PRMT8: variants seen among roughly 807,000 people sequenced by gnomAD.
PRMT8 encodes protein arginine methyltransferase 8, also known as protein arginine N-methyltransferase 8.
Under a neutral mutation model 47.1 loss-of-function variants are expected in PRMT8, and 7 were observed. The ratio of observed to expected loss-of-function variants is 0.15; its 90% CI spans 0.08 to 0.28. The LOEUF is 0.28. Ranked by LOEUF, PRMT8 falls within the 10% of genes least tolerant of loss-of-function variation. The pLI, the probability that PRMT8 is intolerant of heterozygous loss-of-function variation, is 1.00. For synonymous variants in PRMT8, 188 were observed against 186.5 expected, an observed-to-expected ratio of 1.01 and a Z score of -0.07; for missense variants, 237 against 505.4, an observed-to-expected ratio of 0.47 and a Z score of 5.09.
upstream of PRMT8, among the ~76,000 whole-genome samples, chr12:3,490,487 G>C (rs1300540742): frequency 1.6e-4 from 23 of 146,374 alleles, no homozygotes; most frequent in Non-Finnish European, 1.5e-5. Flanking sequence ...GATGGTGGGG[G>C]AAGGGTGAGG....
At chr12:3,584,327 A>G (rs1867126979) in intron 8 of PRMT8, among the ~76,000 whole-genome samples, 1 of 152,158 alleles carries the variant, frequency 6.6e-6, no homozygotes, top group Non-Finnish European at 1.5e-5. Flanking sequence ...CTTTTCCCAA[A>G]TACAGTCACA....
intron 1 of PRMT8, among the ~76,000 whole-genome samples, chr12:3,513,062 G>A (rs938508901): frequency 2.6e-5 from 4 of 152,156 alleles, no homozygotes; most frequent in African/African-American, 9.7e-5. Flanking sequence ...CTGCAACACC[G>A]GGGATCAAAG....
chr12:3,464,597 G>T (rs966777991), intron 1 of PRMT8, among the ~76,000 whole-genome samples: 1 of 152,000 alleles, frequency 6.6e-6, no homozygotes, highest in Non-Finnish European at 1.5e-5. Context: ...GCTAGATGGG[G>T]TTAACAAAAA....
chr12:3,540,613 G>GGCCCCCCCGCCC lies in PRMT8; in HGVS notation c.83_84insGCCCCCCCGCCC (p.Ser28delinsArgProProArgPro). The GGCCCCCCCGCCC allele has an allele frequency of 9.7e-6, 11 of 1,130,518 alleles. No individual in the cohort carries two copies. The highest frequency in any genetic ancestry group is 1.3e-5 in the South Asian group (1 of 78,808). The allele number at this position is 1,130,518 out of a possible 1,614,324, so 70.0% of individuals were successfully genotyped here. A position where few individuals can be genotyped will look rare whatever the true frequency, so the allele number is the denominator to read the frequency against. ...CCCTTCTCTTCCCCTCAGGTGAACA[G>GGCCCCCCCGCCC]CCCCCCCTCCCAGCCCCCCCAGCCC... is the stretch of plus-strand genomic sequence containing the variant. On this transcript the variant is annotated protein_altering_variant, in exon 2 of 10. Transcript: ENST00000382622.
At chr12:3,450,490 C>T (rs960688680) in intron 1 of PRMT8, among the ~76,000 whole-genome samples, 9 of 152,192 alleles carry the variant, frequency 5.9e-5, no homozygotes, top group African/African-American at 2.2e-4. Context: ...ATTCCAATTT[C>T]CTCTTGAAAG....
chr12:3,568,348 A>T (rs1307930067), intron 4 of PRMT8, among the ~76,000 whole-genome samples: 1 of 51,910 alleles, frequency 1.9e-5, no homozygotes, highest in East Asian at 7.9e-4. Flanking sequence ...TGGTGTAAAT[A>T]AAAAAAAAAA....
chr12:3,443,641 C>A (rs1204224998), intron 1 of PRMT8, among the ~76,000 whole-genome samples: 1 of 152,196 alleles, frequency 6.6e-6, no homozygotes, highest in Non-Finnish European at 1.5e-5. Flanking sequence ...TTCAGATGTT[C>A]TCCTTAGACC....
intron 1 of PRMT8, among the ~76,000 whole-genome samples, chr12:3,462,353 T>G (rs758945221): frequency 2.0e-5 from 3 of 151,904 alleles, no homozygotes; most frequent in African/African-American, 4.9e-5. Context: ...ACAAGAAGGT[T>G]TTTAAAGGCA....
intron 1 of PRMT8, among the ~76,000 whole-genome samples, chr12:3,395,747 G>A (rs1383152424): frequency 1.0e-4 from 15 of 149,864 alleles, no homozygotes; most frequent in African/African-American, 3.7e-4. Context: ...GCAGAGCTGA[G>A]TTCAATTCCT....
chr12:3,417,653 T>G (rs1864496798), intron 1 of PRMT8, among the ~76,000 whole-genome samples: 1 of 152,216 alleles, frequency 6.6e-6, no homozygotes, highest in Admixed American at 6.5e-5. Flanking sequence ...AAATATGACC[T>G]GTACTCAGGA....
intron 1 of PRMT8, among the ~76,000 whole-genome samples, chr12:3,478,002 A>G (rs1026999095): frequency 2.6e-5 from 4 of 152,202 alleles, no homozygotes; most frequent in African/African-American, 9.6e-5. Context: ...ATGGTCCTCT[A>G]TAAGATGAGG....
chr12:3,425,439 C>T (rs1342864614), intron 1 of PRMT8, among the ~76,000 whole-genome samples: 1 of 152,246 alleles, frequency 6.6e-6, no homozygotes, highest in Non-Finnish European at 1.5e-5. Flanking sequence ...TGGATTAAAA[C>T]TCTAACTGCC....
chr12:3,507,024 G>T (rs1158083341), intron 1 of PRMT8, among the ~76,000 whole-genome samples: 3 of 152,146 alleles, frequency 2.0e-5, no homozygotes, highest in Non-Finnish European at 4.4e-5. Flanking sequence ...ACTATAAGGG[G>T]AAGGGCTGTT....
intron 7 of PRMT8, among the ~76,000 whole-genome samples, chr12:3,581,251 T>A (rs1050690486): frequency 1.3e-5 from 2 of 152,076 alleles, no homozygotes; most frequent in African/African-American, 4.8e-5. Flanking sequence ...TTATGAGGAA[T>A]GAATAAAAAG....
chr12:3,404,209 G>A (rs956925607), intron 1 of PRMT8, among the ~76,000 whole-genome samples: 35 of 151,968 alleles, frequency 2.3e-4, no homozygotes, highest in Non-Finnish European at 4.3e-4. Flanking sequence ...CTGTTCAGAA[G>A]TTATACTTTT....
intron 1 of PRMT8, chr12:3,463,198 C>T (rs1865057972): frequency 6.6e-6 from 1 of 152,180 alleles, no homozygotes; most frequent in African/African-American, 2.4e-5. Flanking sequence ...CCGAGTCTCA[C>T]AGCTAGTCTC....
At position 3,493,667 on chromosome 12, in the gene PRMT8, G is replaced by C. The variant is rs927193697; in HGVS notation, c.75+1967G>C. On this transcript the variant is annotated intron_variant, in intron 1 of 9. Coordinates refer to ENST00000382622, the MANE Select transcript of PRMT8 (RefSeq NM_019854.5). The surrounding 1 kb of genome is among the most constrained non-coding windows in gnomAD (Gnocchi z 8.2). Reference sequence around the variant, plus strand: ...GGAGCAGGCAGAGCGCCGCGCGCCAGTCTATTTTTACTTGCTTCCCCCGCC... The same window carrying C: ...GGAGCAGGCAGAGCGCCGCGCGCCACTCTATTTTTACTTGCTTCCCCCGCC... 9.9e-5 allele frequency among the ~76,000 whole-genome samples: 15 copies of C among 152,216 alleles called. No homozygotes were observed. Among genetic ancestry groups the C allele is most frequent in the African/African-American group, 3.6e-4 (15 of 41,458 alleles).
chr12:3,526,012 C>T (rs768812329), intron 1 of PRMT8, among the ~76,000 whole-genome samples: 3 of 152,202 alleles, frequency 2.0e-5, no homozygotes, highest in Non-Finnish European at 4.4e-5. Flanking sequence ...TTCTACCCAT[C>T]AAACACCACC....
chr12:3,579,869 G>C (rs1031375656), intron 7 of PRMT8, among the ~76,000 whole-genome samples: 1 of 152,164 alleles, frequency 6.6e-6, no homozygotes, highest in East Asian at 1.9e-4. Context: ...ATTTATGCTG[G>C]TGAAGCCCTC....
Sources: gnomAD v4.1 joint callset for allele counts (sites outside exome capture counted in the v4.1 genomes callset) on GRCh38, gnomAD v4.1.1 for gene constraint, Gnocchi (gnomAD v3.1) non-coding constraint, MANE v1.5 for transcripts, NCBI Gene and HGNC (gene_info 2026-07-23, HGNC 2026-07-21) for gene names.